Variants in MYBL2 observed in about 807,000 individuals in gnomAD.
MYBL2 encodes the protein MYB proto-oncogene like 2.
MYBL2 carries 28 observed loss-of-function variants against 79.9 expected under a neutral mutation model. The observed-to-expected ratio is 0.35, with a 90% CI of 0.26 to 0.48. The LOEUF is 0.48. Ranked by LOEUF, MYBL2 falls within the 20% of genes least tolerant of loss-of-function variation. MYBL2 has a pLI of 0.99. For synonymous variants in MYBL2, 378 were observed against 361.2 expected (o/e 1.05, Z -0.53); for missense variants, 735 against 893.9 (o/e 0.82, Z 2.27).
At position 43,678,791 on chromosome 20, in the gene MYBL2, A is replaced by G. The variant is rs6031027; in HGVS notation, c.115-2993A>G. Among the ~76,000 whole-genome samples the G allele has an allele frequency of 8.4e-3, 1,232 of 146,120 alleles. 9 individuals are homozygous for G. The highest frequency in any genetic ancestry group is 0.029 in the African/African-American group (1,160 of 39,510). On this transcript the variant is annotated intron_variant, in intron 2 of 13. Coordinates refer to ENST00000217026, the MANE Select transcript of MYBL2 (RefSeq NM_002466.4). ...GAGAATCACTTGAACCCAGAGGCGG[A>G]AGTTGCAGTGAGCTGAGATCGCACC...
chr20:43,703,572 C>T (rs1263091961), intron 8 of MYBL2, among the ~76,000 whole-genome samples: 1 of 151,922 alleles, frequency 6.6e-6, no homozygotes, highest in African/African-American at 2.4e-5. Flanking sequence ...ACCAAAGGCA[C>T]AGAAAAGGAA....
At chr20:43,705,576 T>G (rs145161286) in intron 9 of MYBL2, among the ~76,000 whole-genome samples, 2,455 of 152,324 alleles carry the variant, frequency 0.016, 64 homozygotes, top group African/African-American at 0.055. Flanking sequence ...TTGTATTTTT[T>G]AATTTGATAG....
intron 1 of MYBL2, among the ~76,000 whole-genome samples, chr20:43,670,960 C>CTTTTTTTTTT (rs766959084): frequency 2.1e-5 from 3 of 144,572 alleles, no homozygotes; most frequent in African/African-American, 5.4e-5. Context: ...CCTATGATTT[C>CTTTTTTTTTT]TTTTTTTTCT....
intron 6 of MYBL2, among the ~76,000 whole-genome samples, chr20:43,694,358 A>T (rs776619760): frequency 1.6e-4 from 22 of 139,320 alleles, no homozygotes; most frequent in Non-Finnish European, 2.4e-4. Context: ...AGAAAATTAA[A>T]TAAATAAATA....
At chr20:43,699,382 G>A (rs944934532) in intron 6 of MYBL2, among the ~76,000 whole-genome samples, 24 of 152,200 alleles carry the variant, frequency 1.6e-4, no homozygotes, top group African/African-American at 5.3e-4. Flanking sequence ...CCATTTGAGA[G>A]TTAGTTATGT....
chr20:43,709,900 C>A, intron 9 of MYBL2, 63 bp from the exon 10 acceptor site: 2 of 1,342,282 alleles, frequency 1.5e-6, no homozygotes, highest in Non-Finnish European at 2.1e-6. Flanking sequence ...GGAGCCAGGG[C>A]AGCAGAGTGC....
At position 43,716,480 on chromosome 20, in the gene MYBL2, C is replaced by A; in HGVS notation, c.*393C>A. On this transcript the variant is annotated 3_prime_UTR_variant, in exon 14 of 14. Transcript: ENST00000217026. ...TTTGGAAGAATAAAATTGCCTCTCT[C>A]TTTGTGCTGGTCTGGACTCTGCCTC... 4.3e-6 allele frequency: 1 copy of A among 234,816 alleles called. No individual in the cohort carries two copies. The highest frequency in any genetic ancestry group is 8.2e-6 in the Non-Finnish European group (1 of 121,422). The allele number at this position is 234,816 out of a possible 1,614,324, so 14.5% of individuals were successfully genotyped here.
intron 1 of MYBL2, among the ~76,000 whole-genome samples, chr20:43,667,814 C>A (rs540753694): frequency 3.2e-4 from 49 of 152,294 alleles, no homozygotes; most frequent in Middle Eastern, 3.4e-3. Context: ...CCCAAGCCCT[C>A]TCCCCTGGAC....
chr20:43,710,600 T>C (rs1987883599), intron 10 of MYBL2, among the ~76,000 whole-genome samples: 1 of 152,172 alleles, frequency 6.6e-6, no homozygotes, highest in Non-Finnish European at 1.5e-5. Context: ...CACAGGTGTT[T>C]TAGAAATCAG....
intron 6 of MYBL2, among the ~76,000 whole-genome samples, chr20:43,695,393 CTATT>C (rs957499811): frequency 4.6e-5 from 7 of 152,072 alleles, no homozygotes; most frequent in African/African-American, 9.7e-5. Flanking sequence ...TTCTGGTGTG[CTATT>C]TATTTAACTA....
intron 8 of MYBL2, among the ~76,000 whole-genome samples, 192 bp downstream of exon 8, chr20:43,703,095 A>G (rs182424324): frequency 2.6e-5 from 4 of 152,336 alleles, no homozygotes; most frequent in Non-Finnish European, 4.4e-5. Context: ...ATGGTGCTGC[A>G]TATGTGTATC....
At chr20:43,695,950 G>A (rs187057996) in intron 6 of MYBL2, among the ~76,000 whole-genome samples, 131 of 152,204 alleles carry the variant, frequency 8.6e-4, no homozygotes, top group Admixed American at 1.4e-3. Context: ...CTGGCGTGGC[G>A]GAGGTTGCAG....
At chr20:43,691,349 TCTCA>T (rs1279263383) in intron 5 of MYBL2, among the ~76,000 whole-genome samples, 2 of 151,918 alleles carry the variant, frequency 1.3e-5, no homozygotes, top group African/African-American at 4.8e-5. Context: ...TGAGATGGAG[TCTCA>T]CTCTGTTGCC....
chr20:43,673,466 G>A (rs1477424369), intron 1 of MYBL2, among the ~76,000 whole-genome samples: 6 of 151,448 alleles, frequency 4.0e-5, no homozygotes, highest in Non-Finnish European at 8.8e-5. Flanking sequence ...GTGAGACCCC[G>A]TCTCTACAAA....
chr20:43,704,512 C>T (rs1170563351), intron 8 of MYBL2, among the ~76,000 whole-genome samples: 4 of 152,148 alleles, frequency 2.6e-5, no homozygotes, highest in Admixed American at 6.5e-5. Context: ...GATGATGGAG[C>T]GTGGTCGCTC....
chr20:43,693,782 G>A (rs561581473), intron 6 of MYBL2, among the ~76,000 whole-genome samples: 33 of 152,298 alleles, frequency 2.2e-4, no homozygotes, highest in African/African-American at 7.9e-4. Flanking sequence ...AGGGCGTGGT[G>A]GCTAACATCT....
At chr20:43,703,986 T>C (rs1987726664) in intron 8 of MYBL2, among the ~76,000 whole-genome samples, 1 of 152,096 alleles carries the variant, frequency 6.6e-6, no homozygotes, top group Admixed American at 6.6e-5. Flanking sequence ...AGGACACCCG[T>C]TATTGGATTA....
chr20:43,686,388 A>G lies in MYBL2; in HGVS notation c.280-464A>G, dbSNP rs534499183. Among the ~76,000 whole-genome samples the G allele has an allele frequency of 8.5e-5, 13 of 152,072 alleles. No homozygotes were observed. The East Asian group carries it at 1.9e-3, about 23-fold the overall frequency. On this transcript the variant is annotated intron_variant, in intron 4 of 13. Transcript: ENST00000217026. ...CCATGGCTCAGCCTGTGCCCTCCCA[A>G]TTTCCATGGAAGTGCTGGAGGGTCT... is the stretch of plus-strand genomic sequence containing the variant.
intron 5 of MYBL2, among the ~76,000 whole-genome samples, chr20:43,691,543 A>ATTT (rs3092517): frequency 4.0e-4 from 57 of 141,682 alleles, no homozygotes; most frequent in Admixed American, 1.7e-3. Context: ...TTATATATAC[A>ATTT]TTTTTTTTTT....
Sources: allele counts gnomAD v4.1 joint callset (sites outside exome capture counted in the v4.1 genomes callset), GRCh38; gene constraint gnomAD v4.1.1; transcripts MANE v1.5; gene names NCBI Gene and HGNC (gene_info 2026-07-23, HGNC 2026-07-21).